The following CALN1 variants were observed in gnomAD, a reference collection of about 807,000 sequenced individuals.
CALN1 encodes the protein calcium-binding protein 8.
A neutral mutation model predicts 30.6 loss-of-function variants in CALN1; 17 were observed. That is an observed-to-expected ratio of 0.56 (90% CI 0.38 to 0.83). The LOEUF is 0.83. Ranked by LOEUF, CALN1 falls within the 40% of genes least tolerant of loss-of-function variation. The pLI is 0.00. For synonymous variants in CALN1, 156 were observed against 131.4 expected (o/e 1.19, Z -1.28); for missense variants, 291 against 354.9 (o/e 0.82, Z 1.45).
intron 2 of CALN1, among the ~76,000 whole-genome samples, chr7:72,279,324 C>T (rs1337376971): frequency 6.6e-6 from 1 of 152,170 alleles, no homozygotes; most frequent in Non-Finnish European, 1.5e-5. Context: ...AATGCCCAAG[C>T]TCTAAGTAAG....
chr7:72,224,914 C>T (rs925518768), intron 3 of CALN1, among the ~76,000 whole-genome samples: 3 of 151,724 alleles, frequency 2.0e-5, no homozygotes, highest in African/African-American at 4.8e-5. Context: ...TGGTGAAACC[C>T]GGTCTCTACT....
chr7:71,887,942 G>A (rs972146159), intron 5 of CALN1, among the ~76,000 whole-genome samples: 17 of 152,012 alleles, frequency 1.1e-4, no homozygotes, highest in Admixed American at 6.6e-4. Context: ...GGCATGATTC[G>A]TTCAACCTGG....
chr7:72,221,746 T>C (rs1004573884), intron 3 of CALN1, among the ~76,000 whole-genome samples: 1 of 148,444 alleles, frequency 6.7e-6, no homozygotes, highest in African/African-American at 2.5e-5. Flanking sequence ...AAAAATTAGC[T>C]GGGCATGGTG....
intron 1 of CALN1, among the ~76,000 whole-genome samples, chr7:72,407,944 G>A (rs190082225): frequency 1.1e-4 from 16 of 152,190 alleles, no homozygotes; most frequent in East Asian, 9.7e-4. Flanking sequence ...CAGTCTGGAG[G>A]ATCAGCTTGT....
chr7:72,283,601 T>C (rs551402358), intron 2 of CALN1, among the ~76,000 whole-genome samples: 1 of 152,282 alleles, frequency 6.6e-6, no homozygotes, highest in East Asian at 1.9e-4. Flanking sequence ...GTAACACCAG[T>C]AATTATTTGC....
At chr7:72,320,712 G>GT (rs903415968) in intron 2 of CALN1, among the ~76,000 whole-genome samples, 6 of 151,880 alleles carry the variant, frequency 4.0e-5, no homozygotes, top group African/African-American at 1.4e-4. Flanking sequence ...GCATGCACCT[G>GT]TAATTCCAGC....
intron 5 of CALN1, among the ~76,000 whole-genome samples, chr7:71,841,501 T>C (rs533923544): frequency 1.6e-3 from 241 of 149,942 alleles, no homozygotes; most frequent in African/African-American, 5.6e-3. Context: ...TGATTTTTAC[T>C]GGATATCTAC....
chr7:72,279,119 C>T (rs573407917), intron 2 of CALN1, among the ~76,000 whole-genome samples: 42 of 152,236 alleles, frequency 2.8e-4, no homozygotes, highest in Non-Finnish European at 4.1e-4. Context: ...TCTTTGCAAA[C>T]GGCAATATCC....
chr7:72,403,451 A>G lies in CALN1; in HGVS notation c.-73-9T>C, dbSNP rs1353277908. On this transcript the variant is annotated splice_polypyrimidine_tract_variant and intron_variant, in intron 1 of 6. Coordinates refer to ENST00000395275, the MANE Select transcript of CALN1 (RefSeq NM_031468.4). Reference sequence around the variant, plus strand: ...GCGAAGGCACTGAGACTCTGAAAGGAGTTGACAGAAACTTACAGCCTGCAC... The same window carrying G: ...GCGAAGGCACTGAGACTCTGAAAGGGGTTGACAGAAACTTACAGCCTGCAC... The G allele has an allele frequency of 1.7e-6, 2 of 1,150,368 alleles. No individual in the cohort carries two copies. The highest frequency in any genetic ancestry group is 2.4e-6 in the Non-Finnish European group (2 of 818,744). 71.3% of individuals were successfully genotyped at this position (1,150,368 alleles called of 1,614,324 possible). A position where few individuals can be genotyped will look rare whatever the true frequency, so the allele number is the denominator to read the frequency against.
intron 2 of CALN1, among the ~76,000 whole-genome samples, chr7:72,402,985 T>C (rs927112655): frequency 2.6e-5 from 4 of 152,222 alleles, no homozygotes; most frequent in Non-Finnish European, 5.9e-5. Flanking sequence ...TATTTGTCAT[T>C]GTTCACCTGA....
chr7:72,352,388 C>CAAAA (rs59245091), intron 2 of CALN1, among the ~76,000 whole-genome samples: 13,141 of 81,506 alleles, frequency 0.16, 2,045 homozygotes, highest in East Asian at 0.36. Context: ...GACTCTGTCT[C>CAAAA]AAAAAAAAAA....
chr7:72,123,139 A>AT (rs2129542332), intron 3 of CALN1, among the ~76,000 whole-genome samples: 1 of 152,284 alleles, frequency 6.6e-6, no homozygotes, highest in South Asian at 2.1e-4. Flanking sequence ...ATGGTCACAC[A>AT]TTCGCTTGAC....
intron 3 of CALN1, among the ~76,000 whole-genome samples, chr7:72,228,256 A>G (rs755279721): frequency 2.6e-5 from 4 of 151,758 alleles, no homozygotes; most frequent in Non-Finnish European, 5.9e-5. Flanking sequence ...GACTTACCTT[A>G]ATCTTCCCTT....
chr7:72,306,561 C>T lies in CALN1; in HGVS notation c.120-27751G>A, dbSNP rs143059917. Reference sequence around the variant, plus strand: ...CGCCCACCTGGCCTTCCAATCTGTACTTTCCTTCTTTTCTTTTCCTACTGT... The same window carrying T: ...CGCCCACCTGGCCTTCCAATCTGTATTTTCCTTCTTTTCTTTTCCTACTGT... On this transcript the variant is annotated intron_variant, in intron 2 of 6. Transcript: ENST00000395275. Among the ~76,000 whole-genome samples, 8 of 151,254 alleles carry T rather than the reference C, an allele frequency of 5.3e-5. No homozygotes were observed. In the East Asian group the frequency reaches 1.6e-3, roughly 29 times the overall value.
At chr7:72,286,733 A>G (rs916005724) in intron 2 of CALN1, among the ~76,000 whole-genome samples, 1 of 152,242 alleles carries the variant, frequency 6.6e-6, no homozygotes, top group African/African-American at 2.4e-5. Flanking sequence ...AAATCAGACA[A>G]GAATGAGTAA....
chr7:72,096,568 A>G (rs995112708), intron 4 of CALN1, among the ~76,000 whole-genome samples: 35 of 148,624 alleles, frequency 2.4e-4, no homozygotes, highest in African/African-American at 8.7e-4. Flanking sequence ...GCCCTTTGGG[A>G]GACCGAGGAG....
chr7:72,275,313 T>C (rs901839610), intron 3 of CALN1, among the ~76,000 whole-genome samples: 1 of 152,092 alleles, frequency 6.6e-6, no homozygotes, highest in Non-Finnish European at 1.5e-5. Context: ...CACCTTGCCA[T>C]GCAGCAGCCC....
At chr7:71,867,222 A>C (rs1791639657) in intron 5 of CALN1, among the ~76,000 whole-genome samples, 1 of 152,132 alleles carries the variant, frequency 6.6e-6, no homozygotes, top group South Asian at 2.1e-4. Context: ...ATAAACATAA[A>C]AATCAACAGC....
chr7:72,424,088 G>A (rs945537298), intron 1 of CALN1, among the ~76,000 whole-genome samples: 5 of 151,968 alleles, frequency 3.3e-5, no homozygotes, highest in African/African-American at 1.2e-4. Context: ...CTTACTGCCA[G>A]CTTGGGTTAG....
Sources: allele counts gnomAD v4.1 joint callset (sites outside exome capture counted in the v4.1 genomes callset), GRCh38; gene constraint gnomAD v4.1.1; transcripts MANE v1.5; gene names NCBI Gene and HGNC (gene_info 2026-07-23, HGNC 2026-07-21).